The following ZNF385D variants were observed in gnomAD, a reference collection of about 807,000 sequenced individuals.
ZNF385D encodes the protein zinc finger protein 659.
A neutral mutation model predicts 35.8 loss-of-function variants in ZNF385D; 15 were observed. That is an observed-to-expected ratio of 0.42 (90% confidence interval 0.28 to 0.64). ZNF385D has a LOEUF of 0.64. Ranked by LOEUF, ZNF385D falls within the 30% of genes least tolerant of loss-of-function variation. The pLI, the probability that ZNF385D is intolerant of heterozygous loss-of-function variation, is 0.23. For missense variants in ZNF385D, 474 were observed against 494.6 expected, an observed-to-expected ratio of 0.96 and a Z score of 0.39; for synonymous variants, 212 against 186.8, an observed-to-expected ratio of 1.13 and a Z score of -1.10.
At chr3:22,129,355 C>T (rs1454727360) in intron 3 of ZNF385D, among the ~76,000 whole-genome samples, 1 of 152,134 alleles carries the variant, frequency 6.6e-6, no homozygotes, top group Non-Finnish European at 1.5e-5. Flanking sequence ...TTGTTCAAGG[C>T]CCAAGGCCTC....
intron 3 of ZNF385D, among the ~76,000 whole-genome samples, chr3:21,966,830 C>T (rs1056508627): frequency 1.3e-5 from 2 of 152,214 alleles, no homozygotes; most frequent in Non-Finnish European, 2.9e-5. Context: ...GATCTGCCAA[C>T]CTTGGCCTCC....
At chr3:21,724,903 C>T (rs976256049) in intron 1 of ZNF385D, among the ~76,000 whole-genome samples, 12 of 152,168 alleles carry the variant, frequency 7.9e-5, no homozygotes, top group African/African-American at 2.9e-4. Context: ...CTACATCACA[C>T]TTATTCTAAA....
At chr3:21,841,816 T>G (rs1369055119) in intron 3 of ZNF385D, among the ~76,000 whole-genome samples, 1 of 151,856 alleles carries the variant, frequency 6.6e-6, no homozygotes, top group African/African-American at 2.4e-5. Context: ...TTTTTTAAGT[T>G]TGTAAATTCG....
chr3:22,341,577 C>T (rs980947611), intron 2 of ZNF385D, among the ~76,000 whole-genome samples: 7 of 152,120 alleles, frequency 4.6e-5, no homozygotes, highest in African/African-American at 1.7e-4. Context: ...AAAATATTAT[C>T]CACTATCTGA....
At chr3:22,314,862 C>G (rs1027575089) in intron 2 of ZNF385D, among the ~76,000 whole-genome samples, 1 of 151,968 alleles carries the variant, frequency 6.6e-6, no homozygotes, top group African/African-American at 2.4e-5. Context: ...AGGGTCAGCC[C>G]CCCAAAAAAC....
chr3:21,498,428 T>C (rs1706085979), intron 4 of ZNF385D, among the ~76,000 whole-genome samples: 1 of 152,058 alleles, frequency 6.6e-6, no homozygotes, highest in Non-Finnish European at 1.5e-5. Flanking sequence ...ACAGACAACC[T>C]ACAGAATGGA....
chr3:22,200,049 A>T (rs1272807998), intron 2 of ZNF385D, among the ~76,000 whole-genome samples: 2 of 152,100 alleles, frequency 1.3e-5, no homozygotes, highest in Non-Finnish European at 2.9e-5. Context: ...GTCAGCACAG[A>T]AAGGTTAAGA....
chr3:21,983,135 C>T (rs1016072937), intron 3 of ZNF385D, among the ~76,000 whole-genome samples: 10 of 145,120 alleles, frequency 6.9e-5, no homozygotes, highest in African/African-American at 2.4e-4. Flanking sequence ...CCCTCCTCCT[C>T]AATTTTTTAT....
At chr3:22,132,080 T>G (rs1411919717) in intron 3 of ZNF385D, among the ~76,000 whole-genome samples, 1 of 152,156 alleles carries the variant, frequency 6.6e-6, no homozygotes, top group African/African-American at 2.4e-5. Flanking sequence ...GTTTAGGGTA[T>G]ATGCAAAGAA....
At chr3:21,990,629 A>G (rs948262154) in intron 3 of ZNF385D, among the ~76,000 whole-genome samples, 4 of 152,232 alleles carry the variant, frequency 2.6e-5, no homozygotes, top group African/African-American at 9.6e-5. Flanking sequence ...TAATAACTCT[A>G]TCTGGCACAG....
At chr3:21,944,801 A>T (rs983565634) in intron 3 of ZNF385D, among the ~76,000 whole-genome samples, 8 of 152,122 alleles carry the variant, frequency 5.3e-5, no homozygotes, top group African/African-American at 1.9e-4. Context: ...GACACATTTA[A>T]TTTTTTCCAG....
At position 21,715,186 on chromosome 3, in the gene ZNF385D, T is replaced by C. The variant is rs571671240; in HGVS notation, c.22+35709A>G. Among the ~76,000 whole-genome samples, 16 of 152,288 alleles carry C rather than the reference T, an allele frequency of 1.1e-4. No homozygotes were observed. The South Asian group carries it at 3.1e-3, about 30-fold the overall frequency. On this transcript the variant is annotated intron_variant, in intron 1 of 7. Transcript: ENST00000281523. The stretch of plus-strand genomic sequence containing the variant: ...CAATTCAAGACTTTCAGGGTATCCA[T>C]CACCTGAATAATGTACAGTGTACTC...
intron 2 of ZNF385D, among the ~76,000 whole-genome samples, chr3:21,584,712 A>G (rs934050025): frequency 6.6e-6 from 1 of 152,062 alleles, no homozygotes; most frequent in East Asian, 1.9e-4. Context: ...ATCTTGATGT[A>G]AAACAAATTT....
intron 5 of ZNF385D, chr3:21,431,178 C>T (rs1701278077): frequency 6.6e-6 from 1 of 152,092 alleles, no homozygotes; most frequent in African/African-American, 2.4e-5. Flanking sequence ...CTGTTTTGCA[C>T]TTGAAACCTC....
At chr3:22,266,386 A>T (rs1576587820) in intron 2 of ZNF385D, among the ~76,000 whole-genome samples, 1 of 152,088 alleles carries the variant, frequency 6.6e-6, no homozygotes, top group East Asian at 1.9e-4. Flanking sequence ...TTTTGATTTT[A>T]AAAACTAGAG....
At chr3:21,556,969 T>G (rs1226931436) in intron 3 of ZNF385D, among the ~76,000 whole-genome samples, 1 of 152,198 alleles carries the variant, frequency 6.6e-6, no homozygotes, top group Non-Finnish European at 1.5e-5. Flanking sequence ...TTTGGCCCTC[T>G]GTCTGTTATT....
At chr3:21,936,325 C>T (rs913811139) in intron 3 of ZNF385D, among the ~76,000 whole-genome samples, 12 of 151,640 alleles carry the variant, frequency 7.9e-5, no homozygotes, top group Non-Finnish European at 1.5e-4. Flanking sequence ...ATCATCTTAG[C>T]GTATTGAGGC....
At chr3:22,145,048 T>C (rs1406759952) in intron 3 of ZNF385D, among the ~76,000 whole-genome samples, 3 of 146,446 alleles carry the variant, frequency 2.0e-5, no homozygotes, top group Admixed American at 1.3e-4. Flanking sequence ...GTAGTCACAA[T>C]TAGTTATCAG....
chr3:21,885,670 A>G (rs1289803116), intron 3 of ZNF385D, among the ~76,000 whole-genome samples: 1 of 151,810 alleles, frequency 6.6e-6, no homozygotes, highest in African/African-American at 2.4e-5. Flanking sequence ...ATATCAGTGA[A>G]AATTATAATA....
Sources: allele counts gnomAD v4.1 joint callset (sites outside exome capture counted in the v4.1 genomes callset), GRCh38; gene constraint gnomAD v4.1.1; transcripts MANE v1.5; gene names NCBI Gene and HGNC (gene_info 2026-07-23, HGNC 2026-07-21).